The following LIPH variants were observed in gnomAD, a reference collection of about 807,000 sequenced individuals.
LIPH encodes the protein lipase member H.
Under a neutral mutation model 47.6 loss-of-function variants are expected in LIPH, and 32 were observed. That is an observed-to-expected ratio of 0.67 (90% CI 0.51 to 0.90). The LOEUF is 0.90. LIPH is among the 40% of genes least tolerant of loss of function. The probability of loss-of-function intolerance (pLI) is 0.00; values close to 1 mark genes in which losing one functional copy is unlikely to be tolerated. For missense variants in LIPH, 497 were observed against 541.4 expected (o/e 0.92, Z 0.81); for synonymous variants, 190 against 195.6 (o/e 0.97, Z 0.24).
chr3:185,524,048 T>C, intron 5 of LIPH, 23 bp downstream of exon 5: 1 of 1,554,366 alleles, frequency 6.4e-7, no homozygotes, highest in Non-Finnish European at 8.9e-7. Flanking sequence ...TATACCACTA[T>C]TTTACAAAAT....
intron 3 of LIPH, among the ~76,000 whole-genome samples, chr3:185,532,146 T>C (rs1312106188): frequency 4.6e-5 from 7 of 152,186 alleles, no homozygotes; most frequent in Non-Finnish European, 1.0e-4. Context: ...ACATTTTGCA[T>C]GCAACTTCAC....
intron 6 of LIPH, 34 bp from the exon 7 acceptor site, chr3:185,517,196 T>C (rs779291431): frequency 8.8e-6 from 10 of 1,137,324 alleles, no homozygotes; most frequent in South Asian, 2.5e-5. Flanking sequence ...GTAAGATTAA[T>C]ATGTATTATA....
chr3:185,515,273 A>G (rs563367688), intron 7 of LIPH, among the ~76,000 whole-genome samples: 9 of 152,306 alleles, frequency 5.9e-5, no homozygotes, highest in African/African-American at 1.9e-4. Flanking sequence ...ACATCTATAC[A>G]AATGTTACCT....
chr3:185,537,437 AG>A (rs902342685), intron 1 of LIPH, among the ~76,000 whole-genome samples: 7 of 152,126 alleles, frequency 4.6e-5, no homozygotes, highest in African/African-American at 1.7e-4. Flanking sequence ...CTCGTGATTA[AG>A]TATTTTCTCC....
intron 3 of LIPH, among the ~76,000 whole-genome samples, chr3:185,530,742 C>A (rs188024694): frequency 6.6e-6 from 1 of 152,036 alleles, no homozygotes; most frequent in Admixed American, 6.6e-5. Flanking sequence ...ATGAATAAAA[C>A]ATCTGAACCA....
chr3:185,514,386 G>A (rs1719661444), intron 8 of LIPH, 24 bp downstream of exon 8: 3 of 1,032,004 alleles, frequency 2.9e-6, no homozygotes, highest in Non-Finnish European at 3.1e-6. Context: ...ATAGCGCACT[G>A]CAAACAATTG....
At chr3:185,534,554 C>T (rs1321053008) in intron 2 of LIPH, among the ~76,000 whole-genome samples, 3 of 152,302 alleles carry the variant, frequency 2.0e-5, no homozygotes, top group Admixed American at 6.5e-5. Context: ...GGTGCTCCCT[C>T]AGATGGGTGC....
At position 185,535,039 on chromosome 3, in the gene LIPH, C is replaced by T; in HGVS notation, c.143G>A (p.Arg48Lys). Residue 48 changes from arginine (R) to lysine (K), a missense_variant, in exon 2 of 10, where the codon AGG becomes AAG. By Grantham distance (26) the Arg-to-Lys change is conservative. Coordinates refer to ENST00000296252, the MANE Select transcript of LIPH (RefSeq NM_139248.3). ...GLNVRLMLYT[R>K]KNLTCAQTIN... Reference sequence around the variant, plus strand: ...GGTTTGTGCGCAGGTCAGGTTTTTCCTTGTGTAGAGCATCAGCCTCACATT... The same window carrying T: ...GGTTTGTGCGCAGGTCAGGTTTTTCTTTGTGTAGAGCATCAGCCTCACATT... 1 of 1,613,624 alleles carries T rather than the reference C, an allele frequency of 6.2e-7. No homozygotes were observed. Among genetic ancestry groups the T allele is most frequent in the Non-Finnish European group, 8.5e-7 (1 of 1,179,776 alleles).
chr3:185,526,775 C>T (rs1015461515), intron 4 of LIPH, among the ~76,000 whole-genome samples: 40 of 150,324 alleles, frequency 2.7e-4, no homozygotes, highest in Non-Finnish European at 4.9e-4. Context: ...AGCCAGAGAG[C>T]TGTAGTTGCA....
chr3:185,538,857 A>C (rs1006900735), intron 1 of LIPH, among the ~76,000 whole-genome samples: 1 of 143,198 alleles, frequency 7.0e-6, no homozygotes, highest in Non-Finnish European at 1.5e-5. Flanking sequence ...ATATATATAC[A>C]TATATACATA....
chr3:185,529,176 C>CAAAAAAAAAAAAA (rs1173804674), intron 3 of LIPH, among the ~76,000 whole-genome samples: 1 of 54,430 alleles, frequency 1.8e-5, no homozygotes, highest in Non-Finnish European at 3.1e-5. Context: ...GACTCCGTCT[C>CAAAAAAAAAAAAA]AAAAAAAAAA....
chr3:185,513,135 G>A (rs569807475), intron 8 of LIPH, among the ~76,000 whole-genome samples: 4 of 152,210 alleles, frequency 2.6e-5, no homozygotes, highest in African/African-American at 4.8e-5. Flanking sequence ...AAGGTCAAGA[G>A]ATCGAGATCA....
Position 185,534,918 on chromosome 3 carries a change from C to T in LIPH, c.264G>A (p.Met88Ile). ...AGAGCAAACCCTTTACTAAGTCATC[C>T]ATCCAAACAGGAGGGGAGCCTGTTG... ...FRPTGSPPVWMDDLVKGLLSV... is the reference protein window; with the variant it reads ...FRPTGSPPVWIDDLVKGLLSV... Residue 88 changes from methionine to isoleucine, a missense_variant, in exon 2 of 10, where the codon ATG becomes ATA. By Grantham distance (10) the Met-to-Ile change is conservative. Transcript: ENST00000296252. 1 of 1,613,972 alleles carries T rather than the reference C, an allele frequency of 6.2e-7. No homozygotes were observed. The highest frequency in any genetic ancestry group is 8.5e-7 in the Non-Finnish European group (1 of 1,179,852).
chr3:185,528,075 T>A (rs1156583162), intron 3 of LIPH, among the ~76,000 whole-genome samples: 2 of 151,446 alleles, frequency 1.3e-5, no homozygotes, highest in Non-Finnish European at 1.5e-5. Context: ...TACAAAAAAA[T>A]TAGCTGGACG....
At chr3:185,531,327 G>A (rs1720323544) in intron 3 of LIPH, among the ~76,000 whole-genome samples, 1 of 152,188 alleles carries the variant, frequency 6.6e-6, no homozygotes, top group Admixed American at 6.5e-5. Context: ...CAGGCAGATC[G>A]CTTGAACACA....
chr3:185,550,812 C>T (rs1470224486), intron 1 of LIPH, among the ~76,000 whole-genome samples: 1 of 152,162 alleles, frequency 6.6e-6, no homozygotes, highest in Non-Finnish European at 1.5e-5. Flanking sequence ...AGGTGATCCA[C>T]GCGCCTTGGC....
In LIPH at chr3:185,508,505, T is replaced by C. The variant is rs139071142; in HGVS notation, c.*285A>G. Reference sequence around the variant, plus strand: ...ACCACCCGCGTGACAGGCAGCAGAATTGACAGGTCGGAACAAGGGAGGCCC... The same window carrying C: ...ACCACCCGCGTGACAGGCAGCAGAACTGACAGGTCGGAACAAGGGAGGCCC... On this transcript the variant is annotated 3_prime_UTR_variant, in exon 10 of 10. Transcript: ENST00000296252. 1,093 of 421,666 alleles carry C rather than the reference T, an allele frequency of 2.6e-3. 13 individuals carry two copies. Among genetic ancestry groups the C allele is most frequent in the African/African-American group, 0.02 (993 of 50,006 alleles). The allele number at this position is 421,666 out of a possible 1,614,324, so 26.1% of individuals were successfully genotyped here. A position where few individuals can be genotyped will look rare whatever the true frequency, so the allele number is the denominator to read the frequency against.
intron 1 of LIPH, among the ~76,000 whole-genome samples, chr3:185,539,310 A>G (rs573224646): frequency 1.3e-5 from 2 of 150,200 alleles, no homozygotes; most frequent in Admixed American, 1.3e-4. Context: ...TGTTGTCAGC[A>G]TTTGCCTACT....
At chr3:185,538,787 A>ATG (rs1240369157) in intron 1 of LIPH, among the ~76,000 whole-genome samples, 18 of 19,640 alleles carry the variant, frequency 9.2e-4, no homozygotes, top group South Asian at 7.7e-3. Context: ...ACACACATAT[A>ATG]TACATATATA....
Sources: gnomAD v4.1 joint callset for allele counts (sites outside exome capture counted in the v4.1 genomes callset) on GRCh38, gnomAD v4.1.1 for gene constraint, MANE v1.5 for transcripts, NCBI Gene and HGNC (gene_info 2026-07-23, HGNC 2026-07-21) for gene names.